The following CNTNAP5 variants were observed in gnomAD, a reference collection of about 807,000 sequenced individuals.
The protein encoded by CNTNAP5 is contactin-associated protein-like 5.
CNTNAP5 carries 72 observed loss-of-function variants against 150.2 expected under a neutral mutation model. The ratio of observed to expected loss-of-function variants is 0.48; its 90% CI spans 0.40 to 0.58. The LOEUF (loss-of-function observed/expected upper bound fraction) is 0.58. Among genes scored for constraint, CNTNAP5 ranks in the 20% least tolerant of loss-of-function variants. The pLI, the probability that CNTNAP5 is intolerant of heterozygous loss-of-function variation, is 0.00. For missense variants in CNTNAP5, 1,636 were observed against 1,626.2 expected, an observed-to-expected ratio of 1.01 and a Z score of -0.10; for synonymous variants, 672 against 619.8, an observed-to-expected ratio of 1.08 and a Z score of -1.25.
intron 16 of CNTNAP5, among the ~76,000 whole-genome samples, chr2:124,771,986 TCAC>T (rs966489989): frequency 6.1e-5 from 9 of 148,754 alleles, no homozygotes; most frequent in African/African-American, 1.2e-4. Context: ...ACCATCATCA[TCAC>T]CACCACCACC....
chr2:124,177,280 G>A (rs1685090893), intron 1 of CNTNAP5, among the ~76,000 whole-genome samples: 1 of 152,110 alleles, frequency 6.6e-6, no homozygotes, highest in Non-Finnish European at 1.5e-5. Context: ...GGAGAATGAG[G>A]GGCCAGAGAC....
intron 3 of CNTNAP5, among the ~76,000 whole-genome samples, chr2:124,270,947 G>A (rs1020503644): frequency 5.3e-5 from 8 of 152,088 alleles, no homozygotes; most frequent in East Asian, 1.9e-4. Context: ...CCCATCAAGC[G>A]AAGTTTTCTG....
At chr2:124,687,019 C>A (rs895843158) in intron 13 of CNTNAP5, among the ~76,000 whole-genome samples, 1 of 151,940 alleles carries the variant, frequency 6.6e-6, no homozygotes. Flanking sequence ...GCAGTCATTG[C>A]GAATGATCTT....
At chr2:124,690,413 A>G (rs1679277536) in intron 13 of CNTNAP5, among the ~76,000 whole-genome samples, 2 of 152,132 alleles carry the variant, frequency 1.3e-5, no homozygotes, top group Non-Finnish European at 2.9e-5. Context: ...CAATATTCAA[A>G]CGAATTTTTT....
chr2:124,291,210 C>G (rs1688281718), intron 3 of CNTNAP5, among the ~76,000 whole-genome samples: 1 of 152,002 alleles, frequency 6.6e-6, no homozygotes, highest in Non-Finnish European at 1.5e-5. Flanking sequence ...GCAGAGATAT[C>G]TCCACAGATA....
chr2:124,679,984 A>G (rs574521029), intron 13 of CNTNAP5, among the ~76,000 whole-genome samples: 1 of 151,928 alleles, frequency 6.6e-6, no homozygotes, highest in South Asian at 2.1e-4. Flanking sequence ...ACAACTCTGC[A>G]GCAGTCTCTG....
chr2:124,527,372 A>C lies in CNTNAP5; in HGVS notation c.1565A>C (p.Gln522Pro). The C allele has an allele frequency of 6.2e-7, 1 of 1,613,614 alleles. No homozygotes were observed. Among genetic ancestry groups the C allele is most frequent in the Non-Finnish European group, 8.5e-7 (1 of 1,179,596 alleles). ...GCMRLIFIDNQPKDLISVQQG... is the reference protein window; with the variant it reads ...GCMRLIFIDNPPKDLISVQQG... Reference sequence around the variant, plus strand: ...ATGAGGCTCATCTTTATTGATAACCAGCCCAAGGACCTCATTTCAGTTCAG... The same window carrying C: ...ATGAGGCTCATCTTTATTGATAACCCGCCCAAGGACCTCATTTCAGTTCAG... The change falls in exon 10 of 24, where the codon CAG (glutamine) becomes CCG (proline). Residue 522 changes from glutamine to proline, a missense_variant. Coordinates refer to ENST00000682447, the MANE Select transcript of CNTNAP5 (RefSeq NM_001367498.1).
intron 10 of CNTNAP5, among the ~76,000 whole-genome samples, chr2:124,555,186 A>T (rs1695721936): frequency 1.3e-5 from 2 of 152,144 alleles, no homozygotes; most frequent in African/African-American, 4.8e-5. Context: ...CAGTTTTGTG[A>T]CCTTTTTTCT....
At chr2:124,737,559 A>C (rs2105134017) in intron 13 of CNTNAP5, among the ~76,000 whole-genome samples, 1 of 152,288 alleles carries the variant, frequency 6.6e-6, no homozygotes, top group Middle Eastern at 3.4e-3. Flanking sequence ...GACCACATGC[A>C]CAGGGTTTCA....
At chr2:124,152,951 A>C (rs1005716763) in intron 1 of CNTNAP5, among the ~76,000 whole-genome samples, 3 of 152,198 alleles carry the variant, frequency 2.0e-5, no homozygotes, top group Admixed American at 6.5e-5. Flanking sequence ...GTGCGGCTCC[A>C]TACAGAATCC....
At chr2:124,483,882 G>A (rs188229048) in intron 7 of CNTNAP5, among the ~76,000 whole-genome samples, 80 of 152,254 alleles carry the variant, frequency 5.3e-4, no homozygotes, top group East Asian at 3.9e-3. Flanking sequence ...CATCTCCTCC[G>A]AACTTTCTGC....
chr2:124,196,575 A>C (rs1439405765), intron 1 of CNTNAP5, among the ~76,000 whole-genome samples: 1 of 152,190 alleles, frequency 6.6e-6, no homozygotes, highest in Non-Finnish European at 1.5e-5. Flanking sequence ...CTGTTGCTAC[A>C]AAAGTATAAC....
intron 13 of CNTNAP5, among the ~76,000 whole-genome samples, chr2:124,729,334 GTAGT>G (rs1305451979): frequency 6.6e-6 from 1 of 151,922 alleles, no homozygotes; most frequent in Non-Finnish European, 1.5e-5. Context: ...TTGCAAAAAA[GTAGT>G]TATTGTTCAT....
chr2:124,337,557 G>A (rs1689504762), intron 3 of CNTNAP5, among the ~76,000 whole-genome samples: 2 of 152,112 alleles, frequency 1.3e-5, no homozygotes, highest in Admixed American at 6.6e-5. Flanking sequence ...TGTATAAGGT[G>A]TAAGGAAGGG....
At chr2:124,456,581 A>G (rs753171489) in intron 6 of CNTNAP5, among the ~76,000 whole-genome samples, 3 of 152,182 alleles carry the variant, frequency 2.0e-5, no homozygotes, top group Non-Finnish European at 4.4e-5. Flanking sequence ...TAAAATTCAT[A>G]TGGAACTAAA....
chr2:124,306,388 C>G (rs879810807), intron 3 of CNTNAP5, among the ~76,000 whole-genome samples: 10 of 152,176 alleles, frequency 6.6e-5, no homozygotes, highest in Non-Finnish European at 1.5e-4. Flanking sequence ...GTGTCCCAAA[C>G]AGAAGAAAGC....
At chr2:124,163,332 A>G (rs780412354) in intron 1 of CNTNAP5, among the ~76,000 whole-genome samples, 5 of 152,144 alleles carry the variant, frequency 3.3e-5, no homozygotes, top group Non-Finnish European at 7.4e-5. Flanking sequence ...GAATAGGGCT[A>G]TAGAAATACC....
At chr2:124,735,026 T>C (rs994306038) in intron 13 of CNTNAP5, among the ~76,000 whole-genome samples, 1 of 152,154 alleles carries the variant, frequency 6.6e-6, no homozygotes, top group Admixed American at 6.5e-5. Context: ...CAAAAACCCA[T>C]ATCCTGGGTA....
At chr2:124,465,135 T>C (rs2104824814) in intron 6 of CNTNAP5, among the ~76,000 whole-genome samples, 1 of 151,752 alleles carries the variant, frequency 6.6e-6, no homozygotes. Context: ...GACAAGCAAA[T>C]ACCAAACCAA....
Sources: allele counts gnomAD v4.1 joint callset (sites outside exome capture counted in the v4.1 genomes callset), GRCh38; gene constraint gnomAD v4.1.1; transcripts MANE v1.5; gene names NCBI Gene and HGNC (gene_info 2026-07-23, HGNC 2026-07-21).